HYAL4: variants seen among roughly 807,000 people sequenced by gnomAD.
HYAL4 encodes the protein hyaluronidase-4.
A neutral mutation model predicts 35.2 loss-of-function variants in HYAL4; 37 were observed. The observed-to-expected ratio is 1.05, with a 90% CI of 0.81 to 1.38. The LOEUF is 1.38. Among genes scored for constraint, HYAL4 ranks in the 40% most tolerant of loss-of-function variants. The probability of loss-of-function intolerance (pLI) is 0.00; values close to 1 mark genes in which losing one functional copy is unlikely to be tolerated. For missense variants in HYAL4, 572 were observed against 572.4 expected, an observed-to-expected ratio of 1.00 and a Z score of 0.01; for synonymous variants, 198 against 203.2, an observed-to-expected ratio of 0.97 and a Z score of 0.22.
At chr7:123,836,888 C>T (rs955567560) in intron 1 of HYAL4, among the ~76,000 whole-genome samples, 2 of 151,842 alleles carry the variant, frequency 1.3e-5, no homozygotes, top group Non-Finnish European at 2.9e-5. Flanking sequence ...ATTAGCTGGG[C>T]GCAGTGGTGG....
In HYAL4 at chr7:123,845,646, G is replaced by A. The variant is rs1426524478; in HGVS notation, c.-161G>A. On this transcript the variant is annotated 5_prime_UTR_variant, in exon 1 of 5. Coordinates refer to ENST00000223026, the MANE Select transcript of HYAL4 (RefSeq NM_012269.3). Reference sequence around the variant, plus strand: ...AACTGACCTTCTGAATTCTTTTTTAGGAAAATCAGGAATTTCTTCTTGGTT... The same window carrying A: ...AACTGACCTTCTGAATTCTTTTTTAAGAAAATCAGGAATTTCTTCTTGGTT... 1 of 151,924 alleles carries A rather than the reference G, an allele frequency of 6.6e-6. No homozygotes were observed. Among genetic ancestry groups the A allele is most frequent in the Non-Finnish European group, 1.5e-5 (1 of 67,988 alleles). 9.4% of individuals were successfully genotyped at this position (151,924 alleles called of 1,614,324 possible).
At chr7:123,854,869 A>G (rs894453196) in intron 2 of HYAL4, among the ~76,000 whole-genome samples, 1 of 152,034 alleles carries the variant, frequency 6.6e-6, no homozygotes, top group African/African-American at 2.4e-5. Context: ...TCTCTTTGTA[A>G]GTCTCTAAGA....
intron 1 of HYAL4, among the ~76,000 whole-genome samples, chr7:123,837,342 C>A (rs1388495431): frequency 1.3e-5 from 2 of 152,094 alleles, no homozygotes; most frequent in East Asian, 1.9e-4. Context: ...AAGATTCTTT[C>A]CTGCATCAAA....
At chr7:123,803,090 C>T in the HYAL4 span, among the ~76,000 whole-genome samples, 1 of 152,136 alleles carries the variant, frequency 6.6e-6, no homozygotes, top group African/African-American at 2.4e-5. Flanking sequence ...AAATAATCCT[C>T]TCTCTACTCT....
the HYAL4 span, among the ~76,000 whole-genome samples, chr7:123,791,480 G>T: frequency 6.6e-6 from 1 of 152,130 alleles, no homozygotes; most frequent in Non-Finnish European, 1.5e-5. Flanking sequence ...ACTTATCAGG[G>T]TCAATGATAA....
chr7:123,823,328 T>A, the HYAL4 span, among the ~76,000 whole-genome samples: 3 of 152,200 alleles, frequency 2.0e-5, no homozygotes, highest in East Asian at 3.8e-4. Context: ...ATGATACTTT[T>A]AATGTGCTAT....
chr7:123,832,505 T>C (rs1192979721), intron 1 of HYAL4, among the ~76,000 whole-genome samples: 3 of 107,158 alleles, frequency 2.8e-5, no homozygotes, highest in South Asian at 3.8e-4. Flanking sequence ...TTTTTTTTTT[T>C]TTTTTTTTTT....
rs137913670 is a variant in HYAL4 at position 123,831,566 on chromosome 7, T to C, written c.-257+2442T>C. ...TGAAAATTGTTTCTATTGTTATACA[T>C]TTTATTCTATTCCATTTCCTTTGAG... On this transcript the variant is annotated intron_variant, in intron 1 of 4. Transcript: ENST00000489978. Among the ~76,000 whole-genome samples, 474 of 152,352 alleles carry C rather than the reference T, an allele frequency of 3.1e-3. 2 individuals carry two copies. The highest frequency in any genetic ancestry group is 0.011 in the African/African-American group (446 of 41,584).
upstream of HYAL4, among the ~76,000 whole-genome samples, chr7:123,827,810 C>T (rs529746698): frequency 6.6e-6 from 1 of 152,242 alleles, no homozygotes; most frequent in East Asian, 1.9e-4. Context: ...AAATATCCCA[C>T]TGTTCTAAGC....
chr7:123,873,270 C>T (rs1584928551), intron 3 of HYAL4, among the ~76,000 whole-genome samples: 1 of 152,228 alleles, frequency 6.6e-6, no homozygotes, highest in Middle Eastern at 3.4e-3. Context: ...TCCTCTCCTT[C>T]CTTTCATGTC....
upstream of HYAL4, among the ~76,000 whole-genome samples, chr7:123,826,327 C>T (rs879623297): frequency 2.0e-5 from 3 of 151,944 alleles, no homozygotes; most frequent in Non-Finnish European, 4.4e-5. Context: ...GTTGGGGGAA[C>T]AGGAAGCATG....
chr7:123,829,981 A>C (rs1805855788), intron 1 of HYAL4, among the ~76,000 whole-genome samples: 1 of 152,206 alleles, frequency 6.6e-6, no homozygotes. Context: ...CTCTGATGAG[A>C]TGTCTTGAAG....
the HYAL4 span, among the ~76,000 whole-genome samples, chr7:123,772,549 A>G: frequency 6.6e-6 from 1 of 152,196 alleles, no homozygotes; most frequent in Admixed American, 6.5e-5. Flanking sequence ...AAACGTGGAG[A>G]CTAAAGTTAA....
At chr7:123,829,952 T>G (rs1289665714) in intron 1 of HYAL4, among the ~76,000 whole-genome samples, 2 of 152,086 alleles carry the variant, frequency 1.3e-5, no homozygotes, top group African/African-American at 4.8e-5. Context: ...ACACTGGAAA[T>G]GTAAGAGAGT....
the HYAL4 span, among the ~76,000 whole-genome samples, chr7:123,779,246 A>C: frequency 2.0e-5 from 3 of 152,178 alleles, no homozygotes; most frequent in Non-Finnish European, 2.9e-5. Flanking sequence ...AGTCCTCAAC[A>C]AGTTTGAGAA....
At chr7:123,844,571 C>T (rs1462560591), upstream of HYAL4, among the ~76,000 whole-genome samples, 3 of 152,304 alleles carry the variant, frequency 2.0e-5, no homozygotes, top group Non-Finnish European at 4.4e-5. Flanking sequence ...TCAGAGCTGT[C>T]AGACAGAGAC....
chr7:123,789,779 T>C, the HYAL4 span, among the ~76,000 whole-genome samples: 1 of 152,172 alleles, frequency 6.6e-6, no homozygotes, highest in African/African-American at 2.4e-5. Flanking sequence ...TATGTATGTA[T>C]ATATATCCAT....
intron 2 of HYAL4, among the ~76,000 whole-genome samples, chr7:123,867,131 C>T (rs1019457289): frequency 1.1e-4 from 16 of 152,160 alleles, no homozygotes; most frequent in Non-Finnish European, 1.9e-4. Context: ...CATTCTGTTA[C>T]ACCAGGGGTT....
chr7:123,827,774 A>T (rs1178489839), upstream of HYAL4, among the ~76,000 whole-genome samples: 1 of 152,158 alleles, frequency 6.6e-6, no homozygotes, highest in Admixed American at 6.6e-5. Context: ...ATGGAGTCAC[A>T]GTTCTGGGGC....
Sources: allele counts gnomAD v4.1 joint callset (sites outside exome capture counted in the v4.1 genomes callset), GRCh38; gene constraint gnomAD v4.1.1; transcripts MANE v1.5; gene names NCBI Gene and HGNC (gene_info 2026-07-23, HGNC 2026-07-21).